Variants in KCNH5 observed in about 807,000 individuals in gnomAD.
KCNH5 encodes voltage-gated delayed rectifier potassium channel KCNH5.
In KCNH5, 46 loss-of-function variants were observed where a neutral mutation model predicts 96.1. The ratio of observed to expected loss-of-function variants is 0.48; its 90% confidence interval spans 0.38 to 0.61. The LOEUF (loss-of-function observed/expected upper bound fraction) is 0.61. KCNH5 is among the 20% of genes least tolerant of loss of function. The pLI, the probability that KCNH5 is intolerant of heterozygous loss-of-function variation, is 0.00. For missense variants in KCNH5, 907 were observed against 1,225.8 expected (o/e 0.74, Z 3.88); for synonymous variants, 439 against 449.8 (o/e 0.98, Z 0.30).
intron 7 of KCNH5, among the ~76,000 whole-genome samples, chr14:62,891,418 GGAGGAGGGA>G (rs1262354347): frequency 6.6e-6 from 1 of 152,130 alleles, no homozygotes; most frequent in Admixed American, 6.6e-5. Context: ...GGTGGAAGTG[GGAGGAGGGA>G]GAGGAGCATA....
intron 6 of KCNH5, among the ~76,000 whole-genome samples, chr14:62,960,310 T>C (rs1377716181): frequency 1.3e-5 from 2 of 152,202 alleles, no homozygotes; most frequent in Non-Finnish European, 2.9e-5. Flanking sequence ...ATTCCCTTCA[T>C]GACACTTGTC....
intron 8 of KCNH5, among the ~76,000 whole-genome samples, chr14:62,845,596 A>T (rs949134840): frequency 1.3e-5 from 2 of 152,328 alleles, no homozygotes; most frequent in African/African-American, 4.8e-5. Flanking sequence ...CAGGGAAGAC[A>T]TGATGGTGAT....
At position 63,045,290 on chromosome 14, in the gene KCNH5, C is replaced by T; in HGVS notation, c.-104G>A. 1 of 951,152 alleles carries T rather than the reference C, an allele frequency of 1.1e-6. No homozygotes were observed. The highest frequency in any genetic ancestry group is 1.6e-6 in the Non-Finnish European group (1 of 606,128). 58.9% of individuals were successfully genotyped at this position (951,152 alleles called of 1,614,324 possible). A position where few individuals can be genotyped will look rare whatever the true frequency, so the allele number is the denominator to read the frequency against. On this transcript the variant is annotated 5_prime_UTR_variant, in exon 1 of 11. Transcript: ENST00000322893. ...GAAAAGGTGGAAGAGAAGATTGAGC[C>T]GAAAGAAGAGGGGGCGCGGCGGCGG...
chr14:63,041,605 A>G (rs1891825300), intron 1 of KCNH5, among the ~76,000 whole-genome samples: 2 of 152,162 alleles, frequency 1.3e-5, no homozygotes, highest in Non-Finnish European at 2.9e-5. Flanking sequence ...ACATGCTAAG[A>G]ATTATTATAA....
At chr14:62,891,856 A>C (rs143408615) in intron 7 of KCNH5, among the ~76,000 whole-genome samples, 1 of 152,310 alleles carries the variant, frequency 6.6e-6, no homozygotes, top group East Asian at 1.9e-4. Flanking sequence ...GGATGTCACA[A>C]ACTTGGCCAA....
At chr14:62,828,640 C>G (rs935905268) in intron 8 of KCNH5, among the ~76,000 whole-genome samples, 1 of 152,102 alleles carries the variant, frequency 6.6e-6, no homozygotes, top group East Asian at 1.9e-4. Flanking sequence ...GAGGAAACTT[C>G]CCCCATGATC....
chr14:62,768,363 C>A (rs1885910410), intron 10 of KCNH5, among the ~76,000 whole-genome samples: 2 of 151,944 alleles, frequency 1.3e-5, no homozygotes, highest in African/African-American at 4.8e-5. Flanking sequence ...TAATACAAAC[C>A]CTTGTTTTCT....
At chr14:62,959,272 C>A (rs151242648) in intron 6 of KCNH5, among the ~76,000 whole-genome samples, 8 of 152,114 alleles carry the variant, frequency 5.3e-5, no homozygotes, top group Admixed American at 5.2e-4. Flanking sequence ...AAACTCCTGG[C>A]CCCACTGGAT....
At chr14:62,989,312 T>C (rs1890767753) in intron 4 of KCNH5, among the ~76,000 whole-genome samples, 2 of 152,128 alleles carry the variant, frequency 1.3e-5, no homozygotes, top group Admixed American at 1.3e-4. Flanking sequence ...AGTGATTTGC[T>C]CTGCCTCTGT....
intron 7 of KCNH5, among the ~76,000 whole-genome samples, chr14:62,880,624 T>A (rs1204950966): frequency 6.6e-6 from 1 of 152,078 alleles, no homozygotes; most frequent in African/African-American, 2.4e-5. Context: ...TAGAACGATA[T>A]TAAAATAAGA....
chr14:62,778,120 G>A (rs1886136570), intron 10 of KCNH5, among the ~76,000 whole-genome samples: 1 of 152,056 alleles, frequency 6.6e-6, no homozygotes, highest in African/African-American at 2.4e-5. Flanking sequence ...TGCAGTATGG[G>A]GGAAGATTTT....
chr14:62,799,591 A>G lies in KCNH5; in HGVS notation c.1822+2738T>C, dbSNP rs1434393449. ...TCCGTCTCAAAAAAAAAAAAAAAAA[A>G]AGCCAAAAAGAAAAAAATACATAAA... is the stretch of plus-strand genomic sequence containing the variant. On this transcript the variant is annotated intron_variant, in intron 9 of 10. Coordinates refer to ENST00000322893, the MANE Select transcript of KCNH5 (RefSeq NM_139318.5). Among the ~76,000 whole-genome samples, 6 of 142,346 alleles carry G rather than the reference A, an allele frequency of 4.2e-5. No homozygotes were observed. The East Asian group carries it at 1.3e-3, about 31-fold the overall frequency. The allele number at this position is 142,346 out of a possible 152,430, so 93.4% of individuals were successfully genotyped here.
chr14:62,789,462 G>C (rs1210345918), intron 9 of KCNH5, among the ~76,000 whole-genome samples: 2 of 151,948 alleles, frequency 1.3e-5, no homozygotes, highest in African/African-American at 4.8e-5. Flanking sequence ...GGGATATTGA[G>C]TCACACAGTA....
In KCNH5 at chr14:62,886,964, T is replaced by C. The variant is rs190431954; in HGVS notation, c.1370-37112A>G. 8.6e-4 allele frequency among the ~76,000 whole-genome samples: 131 copies of C among 152,298 alleles called. No individual in the cohort carries two copies. The Middle Eastern group carries it at 0.031, about 36-fold the overall frequency. On this transcript the variant is annotated intron_variant, in intron 7 of 10. Coordinates refer to ENST00000322893, the MANE Select transcript of KCNH5 (RefSeq NM_139318.5). ...ATACTTCCCAGGAGTGTTAAAATAT[T>C]TCTATACATCAAAAAATGCCAAACA...
intron 10 of KCNH5, among the ~76,000 whole-genome samples, chr14:62,770,247 A>G (rs1372054768): frequency 6.6e-6 from 1 of 152,210 alleles, no homozygotes; most frequent in Non-Finnish European, 1.5e-5. Context: ...TTGATATCCA[A>G]TTCCAGTATG....
At chr14:62,835,446 C>CAG (rs1187633158) in intron 8 of KCNH5, among the ~76,000 whole-genome samples, 1 of 151,942 alleles carries the variant, frequency 6.6e-6, no homozygotes, top group Non-Finnish European at 1.5e-5. Flanking sequence ...AACAAGTACA[C>CAG]ATCTAAGTTC....
At chr14:63,039,620 T>C (rs1408822268) in intron 1 of KCNH5, among the ~76,000 whole-genome samples, 2 of 152,102 alleles carry the variant, frequency 1.3e-5, no homozygotes, top group Non-Finnish European at 2.9e-5. Context: ...AATTGCGTAT[T>C]ACCATAAAAT....
At chr14:62,741,801 AAAAT>A (rs1885276938) in intron 10 of KCNH5, among the ~76,000 whole-genome samples, 3 of 152,156 alleles carry the variant, frequency 2.0e-5, no homozygotes, top group Admixed American at 1.3e-4. Flanking sequence ...TTTGTGTTTT[AAAAT>A]AAATCTCTGC....
chr14:62,893,662 A>T (rs759915650), intron 7 of KCNH5, among the ~76,000 whole-genome samples: 1 of 152,166 alleles, frequency 6.6e-6, no homozygotes, highest in African/African-American at 2.4e-5. Context: ...AGGCTAAGGC[A>T]AGAGAATTGC....
Sources: allele counts gnomAD v4.1 joint callset (sites outside exome capture counted in the v4.1 genomes callset), GRCh38; gene constraint gnomAD v4.1.1; transcripts MANE v1.5; gene names NCBI Gene and HGNC (gene_info 2026-07-23, HGNC 2026-07-21).